KMT2C: variants seen among roughly 807,000 people sequenced by gnomAD.
KMT2C encodes the protein lysine methyltransferase 2C, also known as histone-lysine N-methyltransferase 2C.
In KMT2C, 88 loss-of-function variants were observed where a neutral mutation model predicts 507.9. The observed-to-expected ratio is 0.17, with a 90% CI of 0.15 to 0.21. The LOEUF (loss-of-function observed/expected upper bound fraction) is 0.21, where lower values mean the gene tolerates loss of function less well. Ranked by LOEUF, KMT2C falls within the 10% of genes least tolerant of loss-of-function variation. KMT2C has a pLI of 1.00. For missense variants in KMT2C, 4,954 were observed against 5,957.8 expected (o/e 0.83, Z 5.55); for synonymous variants, 2,049 against 2,080.8 (o/e 0.98, Z 0.42).
At chr7:152,354,974 G>C (rs892339401) in intron 2 of KMT2C, among the ~76,000 whole-genome samples, 1 of 152,174 alleles carries the variant, frequency 6.6e-6, no homozygotes, top group African/African-American at 2.4e-5. Flanking sequence ...GAGTAGAATG[G>C]AATGAAAAGG....
chr7:152,309,482 C>A (rs1421969077), intron 6 of KMT2C, among the ~76,000 whole-genome samples: 2 of 148,864 alleles, frequency 1.3e-5, no homozygotes, highest in African/African-American at 2.5e-5. Flanking sequence ...CACCAGCATG[C>A]CCGGCTAATT....
At chr7:152,274,422 AG>A (rs2096040882) in intron 6 of KMT2C, among the ~76,000 whole-genome samples, 1 of 152,216 alleles carries the variant, frequency 6.6e-6, no homozygotes, top group African/African-American at 2.4e-5. Context: ...TCTTAACAAA[AG>A]ATGGAAATGT....
chr7:152,399,506 T>C (rs1456884962), intron 1 of KMT2C, among the ~76,000 whole-genome samples: 1 of 152,078 alleles, frequency 6.6e-6, no homozygotes, highest in African/African-American at 2.4e-5. Context: ...CAATGGACTC[T>C]TGAATGTCAG....
chr7:152,431,069 T>C (rs2097858672), intron 1 of KMT2C, among the ~76,000 whole-genome samples: 1 of 152,196 alleles, frequency 6.6e-6, no homozygotes, highest in South Asian at 2.1e-4. Flanking sequence ...TCTGGCATTA[T>C]GGAATTAACT....
intron 6 of KMT2C, among the ~76,000 whole-genome samples, chr7:152,294,377 G>A (rs1377466530): frequency 1.3e-5 from 2 of 152,154 alleles, no homozygotes; most frequent in Non-Finnish European, 2.9e-5. Flanking sequence ...AGTACTGACA[G>A]GTAACATGAC....
At chr7:152,146,528 A>C in intron 53 of KMT2C, 71 bp downstream of exon 53, 1 of 1,452,250 alleles carries the variant, frequency 6.9e-7, no homozygotes, top group South Asian at 1.2e-5. Context: ...CAAATGTTAC[A>C]GCATGTGTTC....
chr7:152,419,731 C>A (rs1180144612), intron 1 of KMT2C, among the ~76,000 whole-genome samples: 1 of 152,202 alleles, frequency 6.6e-6, no homozygotes, highest in East Asian at 1.9e-4. Flanking sequence ...GTCAGACACA[C>A]CTGGATTCAA....
chr7:152,183,236 C>T, intron 34 of KMT2C, 80 bp from the exon 35 acceptor site: 1 of 1,180,772 alleles, frequency 8.5e-7, no homozygotes, highest in Non-Finnish European at 1.2e-6. Context: ...CATGAACTTT[C>T]TCAAATAAAA....
At chr7:152,314,072 A>G (rs188349264) in intron 4 of KMT2C, among the ~76,000 whole-genome samples, 2 of 152,266 alleles carry the variant, frequency 1.3e-5, no homozygotes, top group Admixed American at 1.3e-4. Flanking sequence ...CTAAAGAAAA[A>G]GCTATAGCCT....
rs1342526138 is a variant in KMT2C, at chr7:152,228,286, A to G, written c.2976+1637T>C. ...AAGAGTGTTAAGGTTCTAAAACCAT[A>G]AAGTTTGAAAATATCCACCTTAGAG... On this transcript the variant is annotated intron_variant, in intron 18 of 58. Coordinates refer to ENST00000262189, the MANE Select transcript of KMT2C (RefSeq NM_170606.3). Among the ~76,000 whole-genome samples the G allele has an allele frequency of 2.0e-5, 3 of 152,220 alleles. No individual in the cohort carries two copies. In the South Asian group the frequency reaches 6.2e-4, roughly 31 times the overall value.
intron 1 of KMT2C, among the ~76,000 whole-genome samples, chr7:152,423,814 TG>T (rs899588358): frequency 2.1e-4 from 32 of 152,308 alleles, no homozygotes; most frequent in Middle Eastern, 3.4e-3. Context: ...GAGTCCAGGA[TG>T]CTCAAATATA....
intron 52 of KMT2C, 70 bp from the exon 53 acceptor site, chr7:152,146,805 G>C: frequency 7.6e-7 from 1 of 1,316,038 alleles, no homozygotes; most frequent in Non-Finnish European, 1.1e-6. Flanking sequence ...GCAAAATGAA[G>C]AATAACCACT....
intron 5 of KMT2C, among the ~76,000 whole-genome samples, 173 bp from the exon 6 acceptor site, chr7:152,310,248 G>T (rs868684751): frequency 2.0e-5 from 3 of 152,188 alleles, no homozygotes; most frequent in Non-Finnish European, 4.4e-5. Flanking sequence ...ACCACTGAGT[G>T]CCAGTATCAA....
At chr7:152,192,780 C>T (rs1480801367) in intron 31 of KMT2C, among the ~76,000 whole-genome samples, 1 of 152,126 alleles carries the variant, frequency 6.6e-6, no homozygotes, top group Non-Finnish European at 1.5e-5. Flanking sequence ...GGCACTTACA[C>T]AAGAAAAGGA....
rs377753088 is a variant in KMT2C at position 152,249,938 on chromosome 7, G to C, written c.1751C>G (p.Thr584Ser). The C allele has an allele frequency of 1.2e-6, 2 of 1,609,222 alleles. No homozygotes were observed. The highest frequency in any genetic ancestry group is 1.7e-5 in the Admixed American group (1 of 59,942). ...GIVPDAVQVH[T>S]EEQQKSHPSE... Reference sequence around the variant, plus strand: ...GGGATGACTCTTCTGTTGCTCTTCAGTGTGGACTTGAACCGCTGTGAGTAA... The same window carrying C: ...GGGATGACTCTTCTGTTGCTCTTCACTGTGGACTTGAACCGCTGTGAGTAA... Residue 584 changes from threonine to serine, a missense_variant, in exon 13 of 59, where the codon ACT (threonine) becomes AGT (serine). Physicochemically the swap from Thr to Ser is moderately conservative, Grantham distance 58. Coordinates refer to ENST00000262189, the MANE Select transcript of KMT2C (RefSeq NM_170606.3).
At chr7:152,413,881 G>A (rs531197429) in intron 1 of KMT2C, among the ~76,000 whole-genome samples, 9 of 52,088 alleles carry the variant, frequency 1.7e-4, no homozygotes, top group East Asian at 1.0e-3. Flanking sequence ...GCAAAACTCC[G>A]TCTCAAAAAA....
chr7:152,430,943 G>A (rs572928184), intron 1 of KMT2C, among the ~76,000 whole-genome samples: 1 of 152,288 alleles, frequency 6.6e-6, no homozygotes, highest in African/African-American at 2.4e-5. Context: ...TACAGAGTTG[G>A]ACAACCACTA....
intron 6 of KMT2C, among the ~76,000 whole-genome samples, chr7:152,298,190 A>G (rs2096533819): frequency 6.6e-6 from 1 of 152,170 alleles, no homozygotes; most frequent in African/African-American, 2.4e-5. Context: ...ATATGCAGGT[A>G]ACTGGAGTCC....
intron 41 of KMT2C, among the ~76,000 whole-genome samples, chr7:152,167,629 C>T (rs1269402275): frequency 1.3e-5 from 2 of 152,144 alleles, no homozygotes; most frequent in African/African-American, 2.4e-5. Context: ...TATTACAAAT[C>T]CAATCTTGGA....
Sources: allele counts gnomAD v4.1 joint callset (sites outside exome capture counted in the v4.1 genomes callset), GRCh38; gene constraint gnomAD v4.1.1; transcripts MANE v1.5; gene names NCBI Gene and HGNC (gene_info 2026-07-23, HGNC 2026-07-21).